Variants in SMOC2 observed in about 807,000 individuals in gnomAD.
SMOC2 encodes SPARC related modular calcium binding 2.
SMOC2 carries 39 observed loss-of-function variants against 61.4 expected under a neutral mutation model. The observed-to-expected ratio is 0.64, with a 90% CI of 0.49 to 0.83. The LOEUF is 0.83. Among genes scored for constraint, SMOC2 ranks in the 40% least tolerant of loss-of-function variants. The pLI, the probability that SMOC2 is intolerant of heterozygous loss-of-function variation, is 0.00. For synonymous variants in SMOC2, 247 were observed against 239.9 expected (o/e 1.03, Z -0.27); for missense variants, 556 against 592.9 (o/e 0.94, Z 0.65).
intron 1 of SMOC2, among the ~76,000 whole-genome samples, chr6:168,445,028 C>T (rs188079824): frequency 5.3e-5 from 8 of 152,260 alleles, no homozygotes; most frequent in African/African-American, 9.6e-5. Flanking sequence ...CAATACCTAA[C>T]GCTCCCCTAA....
At chr6:168,597,709 C>A (rs1306354237) in intron 7 of SMOC2, among the ~76,000 whole-genome samples, 1 of 152,214 alleles carries the variant, frequency 6.6e-6, no homozygotes, top group Non-Finnish European at 1.5e-5. Context: ...AGATTCGTGA[C>A]GTCCCAGCCC....
chr6:168,502,303 G>A (rs1042704366), intron 1 of SMOC2, among the ~76,000 whole-genome samples: 5 of 152,124 alleles, frequency 3.3e-5, no homozygotes, highest in African/African-American at 1.2e-4. Flanking sequence ...ACCTCCATTG[G>A]ACAAGTGAAG....
chr6:168,523,884 C>T (rs764610582), intron 2 of SMOC2, among the ~76,000 whole-genome samples: 5 of 152,154 alleles, frequency 3.3e-5, no homozygotes, highest in Non-Finnish European at 5.9e-5. Context: ...CATTTATCAT[C>T]ATCTGTAAAT....
At chr6:168,443,552 ACTT>A (rs1394002785) in intron 1 of SMOC2, among the ~76,000 whole-genome samples, 4 of 152,312 alleles carry the variant, frequency 2.6e-5, no homozygotes, top group South Asian at 2.1e-4. Context: ...ATTTTGGCAC[ACTT>A]CTTCTCACCC....
Position 168,465,399 on chromosome 6 carries a change from C to T in SMOC2, c.84+23945C>T, listed in dbSNP as rs78425718. Among the ~76,000 whole-genome samples, 956 of 151,020 alleles carry T rather than the reference C, an allele frequency of 6.3e-3. 5 individuals are homozygous for T. The highest frequency in any genetic ancestry group is 0.011 in the Non-Finnish European group (768 of 67,894). On this transcript the variant is annotated intron_variant, in intron 1 of 12. Transcript: ENST00000356284. ...GGGCTCTTCATGAAGAGATTTTTCT[C>T]GAATGGTCAAGATTTAGATGAAACT...
intron 1 of SMOC2, among the ~76,000 whole-genome samples, chr6:168,466,924 TC>T (rs896318222): frequency 1.3e-5 from 2 of 152,206 alleles, no homozygotes; most frequent in Non-Finnish European, 2.9e-5. Flanking sequence ...AGCTGTGTCT[TC>T]CGTTCCCTTG....
In SMOC2 at chr6:168,441,424, G is replaced by A. The variant is rs1226514755; in HGVS notation, c.54G>A (p.Pro18=). ...CGCTGCTCGCTGGGCTGCTCCCGCCGGTGCCCGCTCAGAAGTTCTCGGCGC... is the reference window on the plus strand; with the variant it reads ...CGCTGCTCGCTGGGCTGCTCCCGCCAGTGCCCGCTCAGAAGTTCTCGGCGC... ...WLPLLAGLLP[P]VPAQKFSALT... is the part of the protein sequence containing the mutation. Residue 18 remains proline, a synonymous_variant, in exon 1 of 13, where the codon CCG becomes CCA. Coordinates refer to ENST00000356284, the MANE Select transcript of SMOC2 (RefSeq NM_001166412.2). The A allele has an allele frequency of 1.3e-6, 2 of 1,510,114 alleles. No individual in the cohort carries two copies. Among genetic ancestry groups the A allele is most frequent in the East Asian group, 2.8e-5 (1 of 35,914 alleles). 93.5% of individuals were successfully genotyped at this position (1,510,114 alleles called of 1,614,324 possible). A position where few individuals can be genotyped will look rare whatever the true frequency, so the allele number is the denominator to read the frequency against.
intron 9 of SMOC2, among the ~76,000 whole-genome samples, chr6:168,615,381 ACACCTACAGCCAGCACAGGG>A: frequency 1.1e-5 from 1 of 88,030 alleles, no homozygotes; most frequent in African/African-American, 4.6e-5. Flanking sequence ...GGGCCTCTTC[ACACCTACAGCCAGCACAGGG>A]CCTCTTCACA....
intron 11 of SMOC2, chr6:168,655,325 C>G: frequency 2.2e-6 from 1 of 445,936 alleles, no homozygotes; most frequent in South Asian, 1.6e-5. Flanking sequence ...ACCAGTTATT[C>G]CAATGGTTAT....
chr6:168,596,781 G>A (rs979168996), intron 7 of SMOC2, among the ~76,000 whole-genome samples: 7 of 152,222 alleles, frequency 4.6e-5, no homozygotes, highest in African/African-American at 1.7e-4. Flanking sequence ...CCTCGTTATC[G>A]TTGAGGCAAA....
chr6:168,640,072 T>C (rs942321798), intron 9 of SMOC2, among the ~76,000 whole-genome samples: 1 of 152,232 alleles, frequency 6.6e-6, no homozygotes, highest in Admixed American at 6.5e-5. Flanking sequence ...TTGAAGCCTC[T>C]GGGCGACTCA....
intron 1 of SMOC2, among the ~76,000 whole-genome samples, chr6:168,455,022 T>C (rs1781552501): frequency 6.6e-6 from 1 of 151,840 alleles, no homozygotes; most frequent in Non-Finnish European, 1.5e-5. Flanking sequence ...ATGGGAGCTG[T>C]GTGTATTGGG....
At chr6:168,538,337 G>C (rs1210701929) in intron 4 of SMOC2, among the ~76,000 whole-genome samples, 18 of 114,574 alleles carry the variant, frequency 1.6e-4, no homozygotes, top group Admixed American at 3.6e-4. Context: ...TGGGGTGACC[G>C]CTGCTGGAAT....
intron 2 of SMOC2, among the ~76,000 whole-genome samples, chr6:168,526,133 G>A (rs1331019259): frequency 6.6e-6 from 1 of 152,172 alleles, no homozygotes; most frequent in Non-Finnish European, 1.5e-5. Flanking sequence ...CCTGGGCCTC[G>A]CATCAGATAG....
chr6:168,619,881 G>C (rs1476051983), intron 9 of SMOC2, among the ~76,000 whole-genome samples: 1 of 152,200 alleles, frequency 6.6e-6, no homozygotes, highest in Non-Finnish European at 1.5e-5. Flanking sequence ...CACAGCTTCA[G>C]TTTACACGCT....
Position 168,570,792 on chromosome 6 carries a change from G to A in SMOC2, c.637+21589G>A, listed in dbSNP as rs562543796. ...AAGCGTATTTTAAGCATTCTGTGAT[G>A]GATGGAAAAGGTAGATGTCTAATTA... On this transcript the variant is annotated intron_variant, in intron 7 of 12. Transcript: ENST00000356284. Among the ~76,000 whole-genome samples the A allele has an allele frequency of 2.0e-5, 3 of 152,330 alleles. No homozygotes were observed. In the East Asian group the frequency reaches 5.8e-4, roughly 29 times the overall value.
chr6:168,587,291 C>T (rs1368510817), intron 7 of SMOC2, among the ~76,000 whole-genome samples: 2 of 152,222 alleles, frequency 1.3e-5, no homozygotes, highest in Non-Finnish European at 2.9e-5. Flanking sequence ...AGGTTTGACA[C>T]TGTTGTGAAC....
rs200747030 is a variant in SMOC2, at chr6:168,524,012, AAG to A, written c.257-2331_257-2330del. Among the ~76,000 whole-genome samples the A allele has an allele frequency of 7.0e-3, 1,071 of 152,268 alleles. 14 individuals carry two copies. The highest frequency in any genetic ancestry group is 0.025 in the African/African-American group (1,029 of 41,558). The stretch of plus-strand genomic sequence containing the variant: ...TGTGTTTAACATTTTGATTTTTATA[AAG>A]AGGGGCATTTAATTCAGTCTAAGGT... On this transcript the variant is annotated intron_variant, in intron 2 of 12. Coordinates refer to ENST00000356284, the MANE Select transcript of SMOC2 (RefSeq NM_001166412.2).
chr6:168,509,055 GT>G (rs145987209), intron 1 of SMOC2, among the ~76,000 whole-genome samples: 15,604 of 152,228 alleles, frequency 0.1, 1,331 homozygotes, highest in African/African-American at 0.23. Flanking sequence ...GACGGGACTA[GT>G]TGGCCGGTCA....
Sources: allele counts gnomAD v4.1 joint callset (sites outside exome capture counted in the v4.1 genomes callset), GRCh38; gene constraint gnomAD v4.1.1; transcripts MANE v1.5; gene names NCBI Gene and HGNC (gene_info 2026-07-23, HGNC 2026-07-21).